Variants in PPARGC1A observed in about 807,000 individuals in gnomAD.
The protein encoded by PPARGC1A is peroxisome proliferator-activated receptor gamma coactivator 1-alpha.
PPARGC1A carries 25 observed loss-of-function variants against 88.7 expected under a neutral mutation model. That is an observed-to-expected ratio of 0.28 (90% CI 0.21 to 0.39). The LOEUF (loss-of-function observed/expected upper bound fraction) is 0.39, where lower values mean the gene tolerates loss of function less well. Among genes scored for constraint, PPARGC1A ranks in the 10% least tolerant of loss-of-function variants. The probability of loss-of-function intolerance (pLI) is 1.00; values close to 1 mark genes in which losing one functional copy is unlikely to be tolerated. For missense variants in PPARGC1A, 880 were observed against 968.7 expected, an observed-to-expected ratio of 0.91 and a Z score of 1.22; for synonymous variants, 363 against 355.6, an observed-to-expected ratio of 1.02 and a Z score of -0.24.
At chr4:23,932,293 G>GCTTAGTTCCTCA in the PPARGC1A span, among the ~76,000 whole-genome samples, 5 of 151,968 alleles carry the variant, frequency 3.3e-5, no homozygotes, top group South Asian at 6.2e-4. Flanking sequence ...TTAGTTCCTC[G>GCTTAGTTCCTCA]CTTAGTTCCT....
chr4:23,915,510 TA>T, the PPARGC1A span, among the ~76,000 whole-genome samples: 141 of 152,354 alleles, frequency 9.3e-4, no homozygotes, highest in African/African-American at 3.3e-3. Context: ...TTTTTCTTCA[TA>T]GCATTTATCA....
chr4:23,884,581 A>G (rs1716541518), intron 2 of PPARGC1A, 171 bp downstream of exon 2: 1 of 530,956 alleles, frequency 1.9e-6, no homozygotes, highest in Non-Finnish European at 3.0e-6. Context: ...AAAACAAAAC[A>G]TTTGTTTTCC....
chr4:23,943,614 A>G, the PPARGC1A span, among the ~76,000 whole-genome samples: 3 of 152,166 alleles, frequency 2.0e-5, no homozygotes, highest in African/African-American at 7.2e-5. Context: ...TTCCCCCTCT[A>G]GAAAGTGAAA....
the PPARGC1A span, among the ~76,000 whole-genome samples, chr4:24,343,477 T>C: frequency 2.0e-5 from 3 of 152,176 alleles, no homozygotes; most frequent in Admixed American, 1.3e-4. Flanking sequence ...AGGCATCATT[T>C]TGAGGCACAG....
chr4:23,961,044 T>A, the PPARGC1A span, among the ~76,000 whole-genome samples: 24 of 152,170 alleles, frequency 1.6e-4, no homozygotes, highest in Admixed American at 1.3e-3. Flanking sequence ...TAAGAGAATG[T>A]GTATGTGTGC....
In PPARGC1A at chr4:23,813,858, G is replaced by A. The variant is rs372833837; in HGVS notation, c.1625C>T (p.Ser542Phe). The A allele has an allele frequency of 2.2e-5, 35 of 1,613,898 alleles. No individual in the cohort carries two copies. Among genetic ancestry groups the A allele is most frequent in the Non-Finnish European group, 2.7e-5 (32 of 1,179,924 alleles). The change falls in exon 8 of 13, where the codon TCT (serine) becomes TTT (phenylalanine). Residue 542 changes from serine (S) to phenylalanine (F), a missense_variant. Ser to Phe is a radical substitution (Grantham distance 155, BLOSUM62 -2). Coordinates refer to ENST00000264867, the MANE Select transcript of PPARGC1A (RefSeq NM_013261.5). ...AGAATCTCTACATGGAGAGTTAAAA[G>A]AAGAACAAGAAGGAGACACATTGAA... Reference protein sequence around the residue: ...SLFNVSPSCSSFNSPCRDSVS... With the variant: ...SLFNVSPSCSFFNSPCRDSVS...
chr4:24,300,191 TCACA>T, the PPARGC1A span, among the ~76,000 whole-genome samples: 1 of 152,144 alleles, frequency 6.6e-6, no homozygotes, highest in African/African-American at 2.4e-5. Context: ...TGTGTCTTCC[TCACA>T]TTTTGTTCAA....
the PPARGC1A span, among the ~76,000 whole-genome samples, chr4:23,969,593 T>C: frequency 2.0e-5 from 3 of 152,354 alleles, no homozygotes; most frequent in South Asian, 6.2e-4. Flanking sequence ...CTAAGAAGTA[T>C]TAAGTATTTT....
the PPARGC1A span, among the ~76,000 whole-genome samples, chr4:24,165,512 AAT>A: frequency 6.6e-6 from 1 of 152,176 alleles, no homozygotes; most frequent in Non-Finnish European, 1.5e-5. Context: ...CAGATAATGC[AAT>A]TTTTTTTACA....
At chr4:24,120,173 G>C in the PPARGC1A span, among the ~76,000 whole-genome samples, 1 of 152,152 alleles carries the variant, frequency 6.6e-6, no homozygotes, top group Non-Finnish European at 1.5e-5. Context: ...GAGGCTCCAG[G>C]GTTCAACCAG....
chr4:24,003,509 C>T, the PPARGC1A span, among the ~76,000 whole-genome samples: 1 of 152,120 alleles, frequency 6.6e-6, no homozygotes, highest in African/African-American at 2.4e-5. Context: ...TGGAGTATTG[C>T]CCAGGCTGTG....
chr4:24,194,287 CT>C, the PPARGC1A span, among the ~76,000 whole-genome samples: 2 of 152,176 alleles, frequency 1.3e-5, no homozygotes, highest in African/African-American at 4.8e-5. Context: ...ACTGACTCAA[CT>C]CATTTTTTTG....
At chr4:24,272,481 C>T in the PPARGC1A span, among the ~76,000 whole-genome samples, 7 of 152,032 alleles carry the variant, frequency 4.6e-5, no homozygotes, top group Non-Finnish European at 1.0e-4. Context: ...TCACTAGGCC[C>T]TAATTTAGAA....
At chr4:23,838,936 G>T (rs1438798766) in intron 2 of PPARGC1A, among the ~76,000 whole-genome samples, 1 of 152,066 alleles carries the variant, frequency 6.6e-6, no homozygotes, top group Non-Finnish European at 1.5e-5. Context: ...TACATACATT[G>T]CTCCTCTCAG....
At chr4:23,966,063 C>G in the PPARGC1A span, among the ~76,000 whole-genome samples, 42 of 152,244 alleles carry the variant, frequency 2.8e-4, no homozygotes, top group African/African-American at 9.4e-4. Flanking sequence ...CTGGAGTGGG[C>G]CTGTTAAACG....
At chr4:23,987,588 T>C in the PPARGC1A span, among the ~76,000 whole-genome samples, 1 of 151,910 alleles carries the variant, frequency 6.6e-6, no homozygotes, top group African/African-American at 2.4e-5. Flanking sequence ...ACTCCCACCC[T>C]ACCCACCATG....
the PPARGC1A span, among the ~76,000 whole-genome samples, chr4:24,388,903 G>A: frequency 9.9e-5 from 15 of 152,094 alleles, no homozygotes; most frequent in Non-Finnish European, 1.6e-4. Flanking sequence ...AACCACCATG[G>A]CACGTGTATA....
At position 23,816,940 on chromosome 4, in the gene PPARGC1A, C is replaced by G. The variant is rs370237596; in HGVS notation, c.878-2335G>C. Reference sequence around the variant, plus strand: ...ACTAATTTTATTTTTTCTAGATTCTCCTTTAGTCGTGGGTCTCACATTTCA... The same window carrying G: ...ACTAATTTTATTTTTTCTAGATTCTGCTTTAGTCGTGGGTCTCACATTTCA... On this transcript the variant is annotated intron_variant, in intron 7 of 12. Coordinates refer to ENST00000264867, the MANE Select transcript of PPARGC1A (RefSeq NM_013261.5). Among the ~76,000 whole-genome samples, 6 of 152,202 alleles carry G rather than the reference C, an allele frequency of 3.9e-5. No individual in the cohort carries two copies. The South Asian group carries it at 1.2e-3, about 32-fold the overall frequency.
the PPARGC1A span, among the ~76,000 whole-genome samples, chr4:23,984,732 T>C: frequency 1.3e-5 from 2 of 152,126 alleles, no homozygotes; most frequent in African/African-American, 4.8e-5. Flanking sequence ...GTAGATGAGA[T>C]TAGGGATTTT....
Sources: gnomAD v4.1 joint callset for allele counts (sites outside exome capture counted in the v4.1 genomes callset) on GRCh38, gnomAD v4.1.1 for gene constraint, MANE v1.5 for transcripts, NCBI Gene and HGNC (gene_info 2026-07-23, HGNC 2026-07-21) for gene names.